COBLL1: variants seen among roughly 807,000 people sequenced by gnomAD.
COBLL1 encodes cordon-bleu protein-like 1.
Under a neutral mutation model 94.8 loss-of-function variants are expected in COBLL1, and 50 were observed. That is an observed-to-expected ratio of 0.53 (90% CI 0.42 to 0.67). The LOEUF is 0.67. Among genes scored for constraint, COBLL1 ranks in the 30% least tolerant of loss-of-function variants. COBLL1 has a pLI of 0.00. For synonymous variants in COBLL1, 448 were observed against 473.8 expected, an observed-to-expected ratio of 0.95 and a Z score of 0.71; for missense variants, 1,362 against 1,348.7, an observed-to-expected ratio of 1.01 and a Z score of -0.15.
intron 2 of COBLL1, among the ~76,000 whole-genome samples, chr2:164,757,655 T>C (rs1180208400): frequency 6.6e-6 from 1 of 151,700 alleles, no homozygotes; most frequent in Non-Finnish European, 1.5e-5. Flanking sequence ...AAAGTAAAAA[T>C]TAAATATTAG....
downstream of COBLL1, among the ~76,000 whole-genome samples, chr2:164,675,947 A>T (rs1423848939): frequency 6.6e-6 from 1 of 152,178 alleles, no homozygotes; most frequent in African/African-American, 2.4e-5. Flanking sequence ...TGAGTGCACT[A>T]AAAATAGGCA....
intron 13 of COBLL1, among the ~76,000 whole-genome samples, chr2:164,688,416 G>A (rs1187553220): frequency 6.6e-6 from 1 of 151,868 alleles, no homozygotes. Context: ...AATGGAATAT[G>A]GTAACTTTTT....
intron 2 of COBLL1, among the ~76,000 whole-genome samples, chr2:164,806,583 C>T (rs759553604): frequency 6.6e-5 from 10 of 152,114 alleles, no homozygotes; most frequent in Non-Finnish European, 1.0e-4. Context: ...TGACTTAATA[C>T]GCTTGTTTCT....
intron 3 of COBLL1, among the ~76,000 whole-genome samples, chr2:164,730,557 T>A (rs559588933): frequency 9.9e-5 from 15 of 151,904 alleles, no homozygotes; most frequent in African/African-American, 3.6e-4. Flanking sequence ...TCCAAAAAAA[T>A]TGAACTACAA....
chr2:164,706,505 T>C (rs1195298389), intron 7 of COBLL1, among the ~76,000 whole-genome samples: 1 of 152,198 alleles, frequency 6.6e-6, no homozygotes, highest in Non-Finnish European at 1.5e-5. Context: ...CTTGGACCTC[T>C]GTTCTGATCT....
intron 2 of COBLL1, among the ~76,000 whole-genome samples, chr2:164,747,587 G>A (rs774325912): frequency 2.0e-5 from 3 of 152,056 alleles, no homozygotes; most frequent in Admixed American, 6.6e-5. Context: ...AGGTTCAAGC[G>A]ATTCTTGTGC....
At chr2:164,724,744 T>G (rs2105506624) in intron 5 of COBLL1, 2 of 152,108 alleles carry the variant, frequency 1.3e-5, no homozygotes, top group East Asian at 3.9e-4. Flanking sequence ...AAAATACCTG[T>G]CTAAGAAAAC....
chr2:164,694,138 A>T, intron 12 of COBLL1, 131 bp downstream of exon 12: 1 of 882,258 alleles, frequency 1.1e-6, no homozygotes, highest in Non-Finnish European at 1.8e-6. Context: ...CACTCTCTTC[A>T]CTACAATAGC....
intron 2 of COBLL1, among the ~76,000 whole-genome samples, chr2:164,661,531 C>T (rs1691070018): frequency 6.6e-6 from 1 of 152,044 alleles, no homozygotes; most frequent in African/African-American, 2.4e-5. Flanking sequence ...AACATTTCCA[C>T]ATAAATTAAA....
chr2:164,687,474 C>T, intron 13 of COBLL1: 1 of 1,448,522 alleles, frequency 6.9e-7, no homozygotes. Context: ...TGTGCAGGGC[C>T]TCAATCACAT....
chr2:164,792,748 T>C (rs1332643625), intron 2 of COBLL1, among the ~76,000 whole-genome samples: 1 of 152,214 alleles, frequency 6.6e-6, no homozygotes, highest in African/African-American at 2.4e-5. Context: ...TTTGTATGTA[T>C]GCTTTACATC....
At chr2:164,697,964 A>G (rs1403243523) in intron 11 of COBLL1, 1 of 152,116 alleles carries the variant, frequency 6.6e-6, no homozygotes, top group East Asian at 1.9e-4. Flanking sequence ...TGATTTAGAT[A>G]AGGGTAGGTA....
In COBLL1 at chr2:164,722,289, G is replaced by T. The variant is rs753794960; in HGVS notation, c.782C>A (p.Pro261His). 6.2e-7 allele frequency: 1 copy of T among 1,613,834 alleles called. No homozygotes were observed. Among genetic ancestry groups the T allele is most frequent in the South Asian group, 1.1e-5 (1 of 91,024 alleles). ...RDQTASAPATPLVNKHRPTFT... is the reference protein window; with the variant it reads ...RDQTASAPATHLVNKHRPTFT... ...AGTTGGGCGGTGCTTATTTACTAGA[G>T]GGGTTGCAGGGGCACTTGCAGTCTA... The change falls in exon 7 of 14, where the codon CCT (proline) becomes CAT (histidine). Residue 261 changes from proline (P) to histidine (H), a missense_variant. Coordinates refer to ENST00000652658, the MANE Select transcript of COBLL1 (RefSeq NM_001365672.2).
At chr2:164,837,665 A>G (rs1260996510) in intron 2 of COBLL1, among the ~76,000 whole-genome samples, 13 of 150,930 alleles carry the variant, frequency 8.6e-5, no homozygotes, top group African/African-American at 3.2e-4. Flanking sequence ...ATATGTATGT[A>G]TATGTATAGT....
At chr2:164,814,329 G>A (rs565848867) in intron 2 of COBLL1, among the ~76,000 whole-genome samples, 1 of 151,850 alleles carries the variant, frequency 6.6e-6, no homozygotes, top group Non-Finnish European at 1.5e-5. Flanking sequence ...ATCTAATAAG[G>A]TCTTAATAAA....
At chr2:164,734,593 C>A (rs569789617) in intron 3 of COBLL1, among the ~76,000 whole-genome samples, 1 of 152,092 alleles carries the variant, frequency 6.6e-6, no homozygotes, top group African/African-American at 2.4e-5. Context: ...AAGGTTATTG[C>A]GAAAATTTAG....
intron 2 of COBLL1, among the ~76,000 whole-genome samples, chr2:164,767,437 T>C (rs747109262): frequency 1.3e-3 from 192 of 152,270 alleles, no homozygotes; most frequent in Non-Finnish European, 2.5e-4. Flanking sequence ...AAGTGGGAAA[T>C]CAAAAGTTCA....
At position 164,699,508 on chromosome 2, in the gene COBLL1, T is replaced by G; in HGVS notation, c.1461-9A>C. On this transcript the variant is annotated splice_polypyrimidine_tract_variant and intron_variant, in intron 10 of 13. Coordinates refer to ENST00000652658, the MANE Select transcript of COBLL1 (RefSeq NM_001365672.2). ...CTACACTGTGTGGTTCTCTGGAAGA[T>G]ACGACATTGTATGTTATATGTTGAT... The G allele has an allele frequency of 3.3e-6, 5 of 1,521,636 alleles. No homozygotes were observed. Among genetic ancestry groups the G allele is most frequent in the Non-Finnish European group, 4.6e-6 (5 of 1,096,248 alleles). The allele number at this position is 1,521,636 out of a possible 1,614,324, so 94.3% of individuals were successfully genotyped here.
intron 2 of COBLL1, among the ~76,000 whole-genome samples, chr2:164,839,899 T>C (rs550643347): frequency 6.6e-6 from 1 of 152,330 alleles, no homozygotes; most frequent in South Asian, 2.1e-4. Flanking sequence ...GTGGGAGTAA[T>C]ATTTGCAGAA....
Sources: gnomAD v4.1 joint callset for allele counts (sites outside exome capture counted in the v4.1 genomes callset) on GRCh38, gnomAD v4.1.1 for gene constraint, MANE v1.5 for transcripts, NCBI Gene and HGNC (gene_info 2026-07-23, HGNC 2026-07-21) for gene names.